Variants in DCTN5 observed in about 807,000 individuals in gnomAD.
The protein encoded by DCTN5 is dynactin subunit 5.
DCTN5 carries 14 observed loss-of-function variants against 23.5 expected under a neutral mutation model. That is an observed-to-expected ratio of 0.60 (90% CI 0.39 to 0.93). The LOEUF (loss-of-function observed/expected upper bound fraction) is 0.93. Ranked by LOEUF, DCTN5 falls within the 40% of genes least tolerant of loss-of-function variation. The pLI, the probability that DCTN5 is intolerant of heterozygous loss-of-function variation, is 0.00. For missense variants in DCTN5, 156 were observed against 225.9 expected, an observed-to-expected ratio of 0.69 and a Z score of 1.98; for synonymous variants, 67 against 79.6, an observed-to-expected ratio of 0.84 and a Z score of 0.84.
chr16:23,654,887 T>C (rs1284509510), intron 2 of DCTN5, among the ~76,000 whole-genome samples: 1 of 152,212 alleles, frequency 6.6e-6, no homozygotes. Flanking sequence ...TCATTTAATA[T>C]AGTAACCTCC....
intron 2 of DCTN5, among the ~76,000 whole-genome samples, chr16:23,644,826 G>A (rs1439346258): frequency 6.6e-6 from 1 of 151,138 alleles, no homozygotes; most frequent in Non-Finnish European, 1.5e-5. Context: ...CAGTTGCCCA[G>A]GCTGGAGTGA....
rs1308497142 is a variant in DCTN5 at position 23,667,929 on chromosome 16, A to G, written c.*785A>G. On this transcript the variant is annotated 3_prime_UTR_variant, in exon 6 of 6. Coordinates refer to ENST00000300087, the MANE Select transcript of DCTN5 (RefSeq NM_032486.4). ...GTACTTACCTTATTTCATTGAAGACACCGCATTTGTGAACTCTTGCTTCCT... is the reference window on the plus strand; with the variant it reads ...GTACTTACCTTATTTCATTGAAGACGCCGCATTTGTGAACTCTTGCTTCCT... 6.6e-6 allele frequency: 1 copy of G among 152,222 alleles called. No homozygotes were observed. The highest frequency in any genetic ancestry group is 2.1e-4 in the South Asian group (1 of 4,838). The allele number at this position is 152,222 out of a possible 1,614,324, so 9.4% of individuals were successfully genotyped here.
chr16:23,650,769 C>A, intron 2 of DCTN5: 2 of 1,534,878 alleles, frequency 1.3e-6, no homozygotes, highest in Non-Finnish European at 1.7e-6. Flanking sequence ...TTTGTCATTT[C>A]TGTTTTCCTG....
intron 5 of DCTN5, chr16:23,665,943 T>C (rs1047031851): frequency 4.7e-5 from 26 of 553,404 alleles, no homozygotes; most frequent in Middle Eastern, 4.8e-4. Context: ...AAGGAAATTA[T>C]GAAGGGCCAA....
At position 23,668,596 on chromosome 16, in the gene DCTN5, T is replaced by C. The variant is rs1355278907; in HGVS notation, c.*1452T>C. 1.3e-5 allele frequency: 2 copies of C among 152,216 alleles called. No individual in the cohort carries two copies. The highest frequency in any genetic ancestry group is 2.9e-5 in the Non-Finnish European group (2 of 68,062). 9.4% of individuals were successfully genotyped at this position (152,216 alleles called of 1,614,324 possible). A position where few individuals can be genotyped will look rare whatever the true frequency, so the allele number is the denominator to read the frequency against. On this transcript the variant is annotated 3_prime_UTR_variant, in exon 6 of 6. Coordinates refer to ENST00000300087, the MANE Select transcript of DCTN5 (RefSeq NM_032486.4). ...AGGAGGCTGTAAATTTAGTTTCTAC[T>C]TGGGCAGCCAAAACTCTGAGGAAGG... is the stretch of plus-strand genomic sequence containing the variant.
chr16:23,647,413 TATA>T (rs1967490587), intron 2 of DCTN5, among the ~76,000 whole-genome samples: 2 of 152,142 alleles, frequency 1.3e-5, no homozygotes, highest in Non-Finnish European at 2.9e-5. Flanking sequence ...CTCGGCCTAC[TATA>T]ATAAGTTTTT....
chr16:23,664,793 AT>A (rs1456204031), intron 4 of DCTN5, among the ~76,000 whole-genome samples: 1 of 152,264 alleles, frequency 6.6e-6, no homozygotes, highest in African/African-American at 2.4e-5. Flanking sequence ...AAATGAACTA[AT>A]AGCTTCATAT....
intron 2 of DCTN5, among the ~76,000 whole-genome samples, chr16:23,646,505 T>C (rs1426828965): frequency 1.3e-5 from 2 of 152,214 alleles, no homozygotes; most frequent in Admixed American, 1.3e-4. Context: ...GAAGATTTAC[T>C]GCCGTGTTTT....
chr16:23,662,065 A>C (rs1241752968), intron 4 of DCTN5, among the ~76,000 whole-genome samples: 6 of 151,516 alleles, frequency 4.0e-5, no homozygotes, highest in East Asian at 1.9e-4. Flanking sequence ...AAAAAAAAAA[A>C]CCCAAAAGTT....
chr16:23,661,337 C>A (rs967118351), intron 4 of DCTN5, 56 bp downstream of exon 4: 1 of 1,273,604 alleles, frequency 7.9e-7, no homozygotes, highest in Non-Finnish European at 1.1e-6. Flanking sequence ...AGCTCCCATC[C>A]CTCACTTCGG....
chr16:23,645,104 TATATATATATATATATATATATATA>T (rs1967407435), intron 2 of DCTN5, among the ~76,000 whole-genome samples: 8 of 30,026 alleles, frequency 2.7e-4, no homozygotes, highest in East Asian at 1.1e-3. Flanking sequence ...TATATATATA[TATATATATATATATATATATATATA>T]TATATATATT....
Position 23,658,630 on chromosome 16 carries a change from G to C in DCTN5, c.236+5G>C. On this transcript the variant is annotated splice_donor_5th_base_variant and intron_variant, in intron 3 of 5. Transcript: ENST00000300087. Reference sequence around the variant, plus strand: ...ATTCAAGAAGTTCAGCAAAGGGTATGTAATTTAATTACTTTGTTCAAGTCT... The same window carrying C: ...ATTCAAGAAGTTCAGCAAAGGGTATCTAATTTAATTACTTTGTTCAAGTCT... The C allele has an allele frequency of 6.2e-7, 1 of 1,609,300 alleles. No individual in the cohort carries two copies. Among genetic ancestry groups the C allele is most frequent in the Non-Finnish European group, 8.5e-7 (1 of 1,175,568 alleles).
chr16:23,658,306 T>C (rs1451180031), intron 2 of DCTN5, among the ~76,000 whole-genome samples: 1 of 152,242 alleles, frequency 6.6e-6, no homozygotes, highest in Non-Finnish European at 1.5e-5. Context: ...TGTGATGTAC[T>C]AGGAACATCA....
intron 2 of DCTN5, among the ~76,000 whole-genome samples, chr16:23,655,376 C>G (rs1967683509): frequency 1.3e-5 from 2 of 151,886 alleles, no homozygotes; most frequent in Admixed American, 1.3e-4. Context: ...TTTATTCTTA[C>G]TTATTTATTT....
chr16:23,643,832 C>A (rs1967362575), intron 2 of DCTN5, among the ~76,000 whole-genome samples: 1 of 151,970 alleles, frequency 6.6e-6, no homozygotes, highest in Non-Finnish European at 1.5e-5. Flanking sequence ...AAATAAATTA[C>A]AATAGCAAAG....
chr16:23,648,344 C>CTTTTTTTTTTTT (rs960786045), intron 2 of DCTN5, among the ~76,000 whole-genome samples: 2 of 105,524 alleles, frequency 1.9e-5, no homozygotes, highest in Admixed American at 9.9e-5. Context: ...TTTCTTTTTT[C>CTTTTTTTTTTTT]TTTTTTTTTT....
intron 4 of DCTN5, among the ~76,000 whole-genome samples, chr16:23,661,513 G>GT (rs11407519): frequency 0.2 from 29,890 of 152,012 alleles, 3,241 homozygotes; most frequent in East Asian, 0.43. Context: ...GAGGTCAGGA[G>GT]TTTGAGACCA....
At chr16:23,664,677 T>C (rs184553711) in intron 4 of DCTN5, among the ~76,000 whole-genome samples, 1 of 152,314 alleles carries the variant, frequency 6.6e-6, no homozygotes, top group Admixed American at 6.5e-5. Context: ...TATTTCTTGC[T>C]CTCTGAATGC....
chr16:23,660,145 G>A (rs555653792), intron 3 of DCTN5, among the ~76,000 whole-genome samples: 36 of 152,312 alleles, frequency 2.4e-4, no homozygotes, highest in African/African-American at 8.4e-4. Flanking sequence ...AGACTGTGAT[G>A]AGATCAGGGA....
Sources: gnomAD v4.1 joint callset for allele counts (sites outside exome capture counted in the v4.1 genomes callset) on GRCh38, gnomAD v4.1.1 for gene constraint, MANE v1.5 for transcripts, NCBI Gene and HGNC (gene_info 2026-07-23, HGNC 2026-07-21) for gene names.